PCDHA3: variants seen among roughly 807,000 people sequenced by gnomAD.
The protein encoded by PCDHA3 is protocadherin alpha-3.
PCDHA3 carries 41 observed loss-of-function variants against 62.2 expected under a neutral mutation model. The observed-to-expected ratio is 0.66, with a 90% CI of 0.51 to 0.86. The LOEUF is 0.86. Ranked by LOEUF, PCDHA3 falls within the 40% of genes least tolerant of loss-of-function variation. The probability of loss-of-function intolerance (pLI) is 0.00; values close to 1 mark genes in which losing one functional copy is unlikely to be tolerated. For synonymous variants in PCDHA3, 640 were observed against 555.4 expected (o/e 1.15, Z -2.14); for missense variants, 1,304 against 1,241.2 (o/e 1.05, Z -0.76).
intron 1 of PCDHA3, among the ~76,000 whole-genome samples, chr5:140,952,087 C>T (rs2094684318): frequency 6.6e-6 from 1 of 152,162 alleles, no homozygotes. Context: ...CTCCATGTCT[C>T]ACATCCAGGG....
intron 1 of PCDHA3, chr5:140,927,708 A>G: frequency 6.2e-7 from 1 of 1,614,202 alleles, no homozygotes; most frequent in Non-Finnish European, 8.5e-7. Context: ...AGTACTCCCT[A>G]AGCAACAGCA....
intron 1 of PCDHA3, among the ~76,000 whole-genome samples, chr5:140,915,626 G>GTTTCTC (rs149393620): frequency 6.8e-6 from 1 of 146,436 alleles, no homozygotes; most frequent in African/African-American, 2.5e-5. Context: ...GTCTCTTTCT[G>GTTTCTC]TCTCTCTCTC....
At chr5:140,955,823 T>C (rs1189753862) in intron 1 of PCDHA3, among the ~76,000 whole-genome samples, 1 of 152,208 alleles carries the variant, frequency 6.6e-6, no homozygotes, top group African/African-American at 2.4e-5. Flanking sequence ...GTGATTTCCT[T>C]GAGCAGTGGT....
chr5:140,993,281 C>T (rs2097548459), intron 3 of PCDHA3, among the ~76,000 whole-genome samples: 1 of 152,102 alleles, frequency 6.6e-6, no homozygotes. Flanking sequence ...TCTTTTCTTG[C>T]CCAGGGTCAC....
chr5:140,954,046 G>C (rs1554221229), intron 1 of PCDHA3, among the ~76,000 whole-genome samples: 1 of 152,124 alleles, frequency 6.6e-6, no homozygotes, highest in African/African-American at 2.4e-5. Context: ...TTGGTTTTCT[G>C]TTCCTGCATT....
At chr5:140,887,984 A>G (rs2061657027) in intron 1 of PCDHA3, among the ~76,000 whole-genome samples, 1 of 152,178 alleles carries the variant, frequency 6.6e-6, no homozygotes, top group Admixed American at 6.5e-5. Context: ...TTTATTTTAC[A>G]TGTCTCCACC....
At chr5:140,965,609 G>T (rs568507618) in intron 1 of PCDHA3, among the ~76,000 whole-genome samples, 9 of 151,736 alleles carry the variant, frequency 5.9e-5, no homozygotes, top group Admixed American at 2.0e-4. Context: ...TGAAGACATT[G>T]TCATCCATTA....
chr5:140,854,474 G>A (rs2043136313), intron 1 of PCDHA3: 1 of 149,900 alleles, frequency 6.7e-6, no homozygotes, highest in Non-Finnish European at 1.5e-5. Context: ...GAGTAGAGAA[G>A]TATAGAAACA....
chr5:140,927,040 A>T (rs1554203950), intron 1 of PCDHA3: 1 of 1,612,350 alleles, frequency 6.2e-7, no homozygotes, highest in Non-Finnish European at 8.5e-7. Flanking sequence ...AGCGGCCGCT[A>T]TGTCCTCGCG....
intron 1 of PCDHA3, chr5:140,805,049 T>C (rs781903718): frequency 6.3e-7 from 1 of 1,591,004 alleles, no homozygotes; most frequent in Non-Finnish European, 8.5e-7. Context: ...CCAAAGTACT[T>C]GTCTTCCCAG....
At chr5:140,846,406 G>A (rs1191758509) in intron 1 of PCDHA3, among the ~76,000 whole-genome samples, 1 of 111,134 alleles carries the variant, frequency 9.0e-6, no homozygotes, top group Non-Finnish European at 1.7e-5. Flanking sequence ...ACGGAGTCTC[G>A]CTCTATCTCC....
intron 1 of PCDHA3, among the ~76,000 whole-genome samples, chr5:140,903,708 T>C (rs1460220411): frequency 1.3e-5 from 2 of 152,212 alleles, no homozygotes; most frequent in Non-Finnish European, 2.9e-5. Context: ...AGTAATAAAA[T>C]ATACAATTCT....
At chr5:140,923,584 T>C (rs2081432624) in intron 1 of PCDHA3, among the ~76,000 whole-genome samples, 1 of 152,172 alleles carries the variant, frequency 6.6e-6, no homozygotes, top group South Asian at 2.1e-4. Context: ...AGAGAAGGTT[T>C]GTTAATTCAT....
intron 1 of PCDHA3, among the ~76,000 whole-genome samples, chr5:140,938,877 A>ACACACACACACACAGATG (rs2092241507): frequency 1.3e-5 from 2 of 150,854 alleles, no homozygotes; most frequent in South Asian, 4.2e-4. Context: ...TTAAGAAGCA[A>ACACACACACACACAGATG]CACACACACA....
At chr5:140,966,703 G>T in intron 1 of PCDHA3, 1 of 1,376,398 alleles carries the variant, frequency 7.3e-7, no homozygotes, top group South Asian at 1.7e-5. Flanking sequence ...CCCGGGCGTG[G>T]GGCACGGCTG....
chr5:140,841,081 A>G (rs2150310957), intron 1 of PCDHA3: 5 of 541,186 alleles, frequency 9.2e-6, no homozygotes, highest in East Asian at 3.1e-5. Context: ...TAGAAAGTGC[A>G]TAGAAGAACC....
chr5:140,872,610 T>G (rs1270918795), intron 1 of PCDHA3, among the ~76,000 whole-genome samples: 3 of 152,146 alleles, frequency 2.0e-5, no homozygotes, highest in Non-Finnish European at 4.4e-5. Flanking sequence ...AAAATAATTT[T>G]TTTTGCCTGT....
chr5:140,992,698 A>G (rs764226558), intron 3 of PCDHA3, among the ~76,000 whole-genome samples: 4 of 152,094 alleles, frequency 2.6e-5, no homozygotes, highest in Non-Finnish European at 4.4e-5. Flanking sequence ...GGGGTGGGTA[A>G]TGTTCCTGCC....
At chr5:140,864,271 A>T (rs2048397543) in intron 1 of PCDHA3, 1 of 152,134 alleles carries the variant, frequency 6.6e-6, no homozygotes, top group African/African-American at 2.4e-5. Context: ...TGTGTCCTCC[A>T]TTCCTTATTG....
Sources: gnomAD v4.1 joint callset for allele counts (sites outside exome capture counted in the v4.1 genomes callset) on GRCh38, gnomAD v4.1.1 for gene constraint, MANE v1.5 for transcripts, NCBI Gene and HGNC (gene_info 2026-07-23, HGNC 2026-07-21) for gene names.